The following TSPAN18 variants were observed in gnomAD, a reference collection of about 807,000 sequenced individuals.
TSPAN18 encodes tetraspanin-18.
In TSPAN18, 14 loss-of-function variants were observed where a neutral mutation model predicts 27.3. That is an observed-to-expected ratio of 0.51 (90% confidence interval 0.34 to 0.80). The LOEUF is 0.80. Ranked by LOEUF, TSPAN18 falls within the 30% of genes least tolerant of loss-of-function variation. The pLI is 0.01. For missense variants in TSPAN18, 268 were observed against 323.9 expected, an observed-to-expected ratio of 0.83 and a Z score of 1.32; for synonymous variants, 143 against 136.5, an observed-to-expected ratio of 1.05 and a Z score of -0.33.
intron 2 of TSPAN18, among the ~76,000 whole-genome samples, chr11:44,802,564 C>G (rs1410220339): frequency 4.1e-5 from 6 of 145,472 alleles, no homozygotes; most frequent in Non-Finnish European, 9.2e-5. Flanking sequence ...GCCTCCCCAG[C>G]CCCCACTGGA....
chr11:44,840,791 A>G (rs926598998), intron 2 of TSPAN18, among the ~76,000 whole-genome samples: 5 of 152,222 alleles, frequency 3.3e-5, no homozygotes, highest in Non-Finnish European at 7.3e-5. Flanking sequence ...AGATTGAATC[A>G]CATCCCTGTT....
intron 2 of TSPAN18, among the ~76,000 whole-genome samples, chr11:44,856,591 C>T (rs149616821): frequency 6.6e-6 from 1 of 152,288 alleles, no homozygotes; most frequent in Non-Finnish European, 1.5e-5. Flanking sequence ...TCTTCTGTTG[C>T]CCATAATAAT....
chr11:44,901,386 C>G (rs1859257829), intron 3 of TSPAN18: 1 of 152,244 alleles, frequency 6.6e-6, no homozygotes, highest in Non-Finnish European at 1.5e-5. Flanking sequence ...TATTACACCC[C>G]TTAATTGCTA....
intron 2 of TSPAN18, among the ~76,000 whole-genome samples, chr11:44,823,741 A>G (rs984285313): frequency 6.6e-6 from 1 of 152,128 alleles, no homozygotes; most frequent in Non-Finnish European, 1.5e-5. Context: ...TCCTGCTGCT[A>G]TCAAAAGTAA....
chr11:44,784,681 C>G (rs1856014398), intron 2 of TSPAN18, among the ~76,000 whole-genome samples: 1 of 152,188 alleles, frequency 6.6e-6, no homozygotes, highest in African/African-American at 2.4e-5. Flanking sequence ...GTCCCCAGCC[C>G]TTGGGGCTGT....
intron 1 of TSPAN18, among the ~76,000 whole-genome samples, chr11:44,748,641 A>G (rs1036443699): frequency 2.0e-5 from 3 of 152,296 alleles, no homozygotes; most frequent in African/African-American, 7.2e-5. Context: ...AAAGTTCAAG[A>G]TCGTGATTTA....
intron 2 of TSPAN18, among the ~76,000 whole-genome samples, chr11:44,833,195 G>A (rs1000208548): frequency 1.3e-5 from 2 of 151,988 alleles, no homozygotes; most frequent in Non-Finnish European, 2.9e-5. Context: ...GGATGGACAC[G>A]TGAACCTGGG....
chr11:44,762,734 T>A (rs919586962), intron 1 of TSPAN18, among the ~76,000 whole-genome samples: 1 of 152,162 alleles, frequency 6.6e-6, no homozygotes, highest in African/African-American at 2.4e-5. Flanking sequence ...GCGCTGACAC[T>A]GCCTGGATGG....
Position 44,785,047 on chromosome 11 carries a change from G to A in TSPAN18, c.-153+20535G>A, listed in dbSNP as rs1241792721. ...CCTAACCACGGTAATGAGACAAAGC[G>A]TGGTTCTAAATCTGGGCAGGGCTAG... On this transcript the variant is annotated intron_variant, in intron 2 of 9. Coordinates refer to ENST00000520358, the MANE Select transcript of TSPAN18 (RefSeq NM_130783.5). 2.6e-5 allele frequency among the ~76,000 whole-genome samples: 4 copies of A among 152,308 alleles called. No homozygotes were observed. In the East Asian group the frequency reaches 7.7e-4, roughly 29 times the overall value.
At chr11:44,926,608 T>C in intron 8 of TSPAN18, 66 bp from the exon 9 acceptor site, 1 of 1,421,434 alleles carries the variant, frequency 7.0e-7, no homozygotes, top group South Asian at 1.1e-5. Flanking sequence ...CTAGTCCACA[T>C]GCTGGACTCT....
At chr11:44,896,047 C>CCTGG (rs1373440501) in intron 3 of TSPAN18, among the ~76,000 whole-genome samples, 3 of 152,100 alleles carry the variant, frequency 2.0e-5, no homozygotes, top group African/African-American at 4.8e-5. Flanking sequence ...CCTTGCACTC[C>CCTGG]CTGGCACTTC....
chr11:44,898,597 C>A (rs981085505), intron 3 of TSPAN18, among the ~76,000 whole-genome samples: 11 of 152,276 alleles, frequency 7.2e-5, no homozygotes, highest in African/African-American at 2.7e-4. Context: ...GGTCAAGCAG[C>A]TGCACCTGAT....
intron 2 of TSPAN18, among the ~76,000 whole-genome samples, chr11:44,858,348 G>A (rs1201422287): frequency 1.3e-5 from 2 of 151,938 alleles, no homozygotes; most frequent in Non-Finnish European, 2.9e-5. Flanking sequence ...GCTCACGGGT[G>A]TTATCAGGGG....
chr11:44,931,353 C>T lies in TSPAN18; in HGVS notation c.*2175C>T, dbSNP rs965875870. ...AAACAAAAACAAAAAACAAAAAACC[C>T]ATGCTGGGCAGGACTGAGGCAAATT... On this transcript the variant is annotated 3_prime_UTR_variant, in exon 10 of 10. Coordinates refer to ENST00000520358, the MANE Select transcript of TSPAN18 (RefSeq NM_130783.5). 2.1e-5 allele frequency: 4 copies of T among 189,184 alleles called. No individual in the cohort carries two copies. The highest frequency in any genetic ancestry group is 9.5e-5 in the African/African-American group (4 of 42,224). The allele number at this position is 189,184 out of a possible 1,614,324, so 11.7% of individuals were successfully genotyped here. A position where few individuals can be genotyped will look rare whatever the true frequency, so the allele number is the denominator to read the frequency against.
chr11:44,852,975 A>G (rs1387484580), intron 2 of TSPAN18, among the ~76,000 whole-genome samples: 1 of 152,218 alleles, frequency 6.6e-6, no homozygotes, highest in African/African-American at 2.4e-5. Context: ...TCATGTGATC[A>G]ATTGCTCACT....
intron 1 of TSPAN18, among the ~76,000 whole-genome samples, chr11:44,763,951 G>A (rs1228211089): frequency 1.3e-5 from 2 of 152,114 alleles, no homozygotes; most frequent in African/African-American, 2.4e-5. Context: ...GGCTGTACAG[G>A]AAGCATGACA....
chr11:44,825,807 C>T lies in TSPAN18; in HGVS notation c.-152-34521C>T, dbSNP rs369592231. On this transcript the variant is annotated intron_variant, in intron 2 of 9. Coordinates refer to ENST00000520358, the MANE Select transcript of TSPAN18 (RefSeq NM_130783.5). ...ACGTCCCCAGTTCACAACAGAGACC[C>T]TGGTGGGCTTGTTTCTCCATGAGTG... 5.3e-5 allele frequency among the ~76,000 whole-genome samples: 8 copies of T among 152,242 alleles called. No homozygotes were observed. The East Asian group carries it at 1.4e-3, about 26-fold the overall frequency.
At chr11:44,887,368 T>A (rs558047740) in intron 3 of TSPAN18, among the ~76,000 whole-genome samples, 2 of 152,358 alleles carry the variant, frequency 1.3e-5, no homozygotes, top group South Asian at 2.1e-4. Flanking sequence ...GCTTCATACA[T>A]GCTGACTGTA....
chr11:44,931,706 AAGCTC>A lies in TSPAN18; in HGVS notation c.*2532_*2536del, dbSNP rs997298523. ...CCATTCCTTGGAGGCAAGGCAAAGAAAGCTCAGCCCAAATCAGGCTTGAGCCTCCC... is the reference window on the plus strand; with the variant it reads ...CCATTCCTTGGAGGCAAGGCAAAGAAAGCCCAAATCAGGCTTGAGCCTCCC... On this transcript the variant is annotated 3_prime_UTR_variant, in exon 10 of 10. Transcript: ENST00000520358. 1.3e-5 allele frequency: 2 copies of A among 152,244 alleles called. No homozygotes were observed. Among genetic ancestry groups the A allele is most frequent in the African/African-American group, 4.8e-5 (2 of 41,440 alleles). The allele number at this position is 152,244 out of a possible 1,614,324, so 9.4% of individuals were successfully genotyped here. A position where few individuals can be genotyped will look rare whatever the true frequency, so the allele number is the denominator to read the frequency against.
Sources: gnomAD v4.1 joint callset for allele counts (sites outside exome capture counted in the v4.1 genomes callset) on GRCh38, gnomAD v4.1.1 for gene constraint, MANE v1.5 for transcripts, NCBI Gene and HGNC (gene_info 2026-07-23, HGNC 2026-07-21) for gene names.